Variants in COL24A1 observed in about 807,000 individuals in gnomAD.
The protein encoded by COL24A1 is collagen alpha-1(XXIV) chain.
A neutral mutation model predicts 253.9 loss-of-function variants in COL24A1; 224 were observed. The observed-to-expected ratio is 0.88, with a 90% confidence interval of 0.79 to 0.99. The LOEUF (loss-of-function observed/expected upper bound fraction) is 0.99. Ranked by LOEUF, COL24A1 falls within the 50% of genes least tolerant of loss-of-function variation. COL24A1 has a pLI of 0.00. For synonymous variants in COL24A1, 685 were observed against 673.7 expected (o/e 1.02, Z -0.26); for missense variants, 2,131 against 2,068.5 (o/e 1.03, Z -0.59).
At chr1:85,886,638 CT>C (rs1363188004) in intron 32 of COL24A1, among the ~76,000 whole-genome samples, 1 of 151,636 alleles carries the variant, frequency 6.6e-6, no homozygotes, top group African/African-American at 2.4e-5. Context: ...GTACTCTAGC[CT>C]GGGCGACAGA....
Position 85,938,844 on chromosome 1 carries a change from A to C in COL24A1, c.2562+22405T>G, listed in dbSNP as rs902696310. Among the ~76,000 whole-genome samples, 7 of 118,078 alleles carry C rather than the reference A, an allele frequency of 5.9e-5. 1 individual carries two copies. The highest frequency in any genetic ancestry group is 1.9e-5 in the Non-Finnish European group (1 of 53,156). The allele number at this position is 118,078 out of a possible 152,430, so 77.5% of individuals were successfully genotyped here. A position where few individuals can be genotyped will look rare whatever the true frequency, so the allele number is the denominator to read the frequency against. ...GTAAACTATAAAAGCCCAGTTACTT[A>C]AGCCTAGCATGGGACTACTCAGATG... On this transcript the variant is annotated intron_variant, in intron 24 of 59. Coordinates refer to ENST00000370571, the MANE Select transcript of COL24A1 (RefSeq NM_152890.7).
chr1:86,028,436 G>C (rs1195522243), intron 14 of COL24A1, among the ~76,000 whole-genome samples: 1 of 152,170 alleles, frequency 6.6e-6, no homozygotes, highest in African/African-American at 2.4e-5. Flanking sequence ...ATGATAGTAA[G>C]TGAGGCTCAC....
intron 43 of COL24A1, among the ~76,000 whole-genome samples, chr1:85,828,920 T>A (rs1393664919): frequency 1.3e-5 from 2 of 150,282 alleles, no homozygotes; most frequent in African/African-American, 2.4e-5. Context: ...TTAGTCCATT[T>A]ACATTTAAAG....
At chr1:85,735,044 C>G in intron 58 of COL24A1, 80 bp from the exon 59 acceptor site, 2 of 1,334,888 alleles carry the variant, frequency 1.5e-6, no homozygotes, top group Non-Finnish European at 2.1e-6. Context: ...GAGGAAAAGT[C>G]CTTCAAAGGC....
At chr1:85,933,106 G>GAAAT (rs71078630) in intron 24 of COL24A1, among the ~76,000 whole-genome samples, 1 of 60,950 alleles carries the variant, frequency 1.6e-5, no homozygotes, top group Non-Finnish European at 3.7e-5. Flanking sequence ...AAAAAAGAAA[G>GAAAT]AAAGAAAAAA....
intron 47 of COL24A1, among the ~76,000 whole-genome samples, chr1:85,790,267 T>C (rs572362516): frequency 5.9e-5 from 9 of 152,286 alleles, no homozygotes; most frequent in African/African-American, 1.7e-4. Flanking sequence ...CAACTGTTAC[T>C]GGTTCAGTCT....
intron 57 of COL24A1, among the ~76,000 whole-genome samples, chr1:85,740,694 A>C (rs1300871451): frequency 6.6e-6 from 1 of 151,800 alleles, no homozygotes; most frequent in African/African-American, 2.4e-5. Flanking sequence ...ATCCGAAAAA[A>C]ATGTTGGCCT....
chr1:86,063,442 T>C (rs1701252216), intron 8 of COL24A1, among the ~76,000 whole-genome samples: 1 of 151,882 alleles, frequency 6.6e-6, no homozygotes, highest in African/African-American at 2.4e-5. Flanking sequence ...TATGAGACTC[T>C]CAAAGGGGTC....
chr1:86,099,927 A>T (rs1311666191), intron 5 of COL24A1, among the ~76,000 whole-genome samples: 2 of 151,940 alleles, frequency 1.3e-5, no homozygotes, highest in African/African-American at 2.4e-5. Flanking sequence ...TCCGACCAAA[A>T]TCTTTTTTTT....
At chr1:85,944,288 A>G (rs1219743597) in intron 24 of COL24A1, among the ~76,000 whole-genome samples, 1 of 152,162 alleles carries the variant, frequency 6.6e-6, no homozygotes, top group African/African-American at 2.4e-5. Context: ...TTATTTATGA[A>G]TATTGTTCAT....
At chr1:86,050,012 T>C in intron 11 of COL24A1, 112 bp downstream of exon 11, 1 of 826,386 alleles carries the variant, frequency 1.2e-6, no homozygotes, top group Middle Eastern at 2.4e-4. Context: ...TTCTTCAACC[T>C]GGCTTGCTAA....
intron 24 of COL24A1, among the ~76,000 whole-genome samples, chr1:85,925,650 T>A (rs1212196449): frequency 6.6e-6 from 1 of 152,176 alleles, no homozygotes; most frequent in Non-Finnish European, 1.5e-5. Context: ...ATCCCTTCCT[T>A]ACACCTTATA....
At chr1:85,875,716 G>GACACACACACACACACAC (rs141827930) in intron 33 of COL24A1, among the ~76,000 whole-genome samples, 4 of 141,110 alleles carry the variant, frequency 2.8e-5, no homozygotes, top group Non-Finnish European at 3.1e-5. Flanking sequence ...CATTATAAAA[G>GACACACACACACACACAC]ACACACACAC....
intron 24 of COL24A1, among the ~76,000 whole-genome samples, chr1:85,951,741 C>T (rs991887280): frequency 7.9e-5 from 12 of 152,104 alleles, no homozygotes; most frequent in Non-Finnish European, 1.5e-4. Flanking sequence ...ATTTTAGTGA[C>T]AGCAAATTGA....
At position 86,066,379 on chromosome 1, in the gene COL24A1, C is replaced by CA. The variant is rs550534601; in HGVS notation, c.1708-2621dup. Among the ~76,000 whole-genome samples the CA allele has an allele frequency of 2.6e-3, 394 of 151,780 alleles. 2 individuals carry two copies. The highest frequency in any genetic ancestry group is 9.2e-3 in the African/African-American group (380 of 41,422). ...TCAGCCTCCGGAGTAGCTGGGACTT[C>CA]AGGCGCCCGCCACCATGCCCGGCTA... On this transcript the variant is annotated intron_variant, in intron 7 of 59. Transcript: ENST00000370571.
chr1:86,057,846 G>C (rs937556924), intron 10 of COL24A1, 85 bp downstream of exon 10: 1 of 1,177,014 alleles, frequency 8.5e-7, no homozygotes, highest in Non-Finnish European at 1.2e-6. Context: ...GCTACTAAGA[G>C]AGTGTAAAAA....
intron 37 of COL24A1, among the ~76,000 whole-genome samples, chr1:85,864,150 C>G (rs1257338605): frequency 6.6e-6 from 1 of 152,072 alleles, no homozygotes; most frequent in Non-Finnish European, 1.5e-5. Context: ...GGAACCAACC[C>G]AAATGTCCAT....
At chr1:85,983,895 T>C (rs561941048) in intron 20 of COL24A1, among the ~76,000 whole-genome samples, 2 of 151,874 alleles carry the variant, frequency 1.3e-5, no homozygotes, top group African/African-American at 4.8e-5. Flanking sequence ...CAGGATATTC[T>C]TTTAAAATTC....
intron 55 of COL24A1, among the ~76,000 whole-genome samples, chr1:85,755,714 C>T (rs1481769999): frequency 6.6e-6 from 1 of 151,744 alleles, no homozygotes; most frequent in Non-Finnish European, 1.5e-5. Flanking sequence ...ACATCAAGTA[C>T]AAAAAAACTT....
Sources: gnomAD v4.1 joint callset for allele counts (sites outside exome capture counted in the v4.1 genomes callset) on GRCh38, gnomAD v4.1.1 for gene constraint, MANE v1.5 for transcripts, NCBI Gene and HGNC (gene_info 2026-07-23, HGNC 2026-07-21) for gene names.